The following JMY variants were observed in gnomAD, a reference collection of about 807,000 sequenced individuals.
JMY encodes junction mediating and regulatory protein, p53 cofactor.
JMY carries 46 observed loss-of-function variants against 103.3 expected under a neutral mutation model. That is an observed-to-expected ratio of 0.45 (90% confidence interval 0.35 to 0.57). The LOEUF is 0.57. Ranked by LOEUF, JMY falls within the 20% of genes least tolerant of loss-of-function variation. The pLI is 0.00. For synonymous variants in JMY, 526 were observed against 489.3 expected, an observed-to-expected ratio of 1.07 and a Z score of -0.99; for missense variants, 1,238 against 1,255.2, an observed-to-expected ratio of 0.99 and a Z score of 0.21.
intron 6 of JMY, among the ~76,000 whole-genome samples, chr5:79,302,556 C>T (rs1746768516): frequency 6.6e-6 from 1 of 151,926 alleles, no homozygotes; most frequent in African/African-American, 2.4e-5. Flanking sequence ...GGGGTAATTA[C>T]AAGCAGGACA....
Position 79,312,443 on chromosome 5 carries a change from C to A in JMY, c.2009C>A (p.Ala670Asp). 6.3e-7 allele frequency: 1 copy of A among 1,585,074 alleles called. No individual in the cohort carries two copies. Among genetic ancestry groups the A allele is most frequent in the African/African-American group, 1.4e-5 (1 of 73,148 alleles). ...KLHDEEERKS[A>D]WVSQERQRTL... ...CATGATGAAGAAGAAAGAAAAAGTG[C>A]CTGGGTTAGCCAAGAGAGACAGAGA... The change falls in exon 8 of 11, where the codon GCC becomes GAC. Residue 670 changes from alanine to aspartate, a missense_variant. Transcript: ENST00000396137.
intron 7 of JMY, 47 bp downstream of exon 7, chr5:79,306,508 T>C (rs1746886781): frequency 1.6e-6 from 2 of 1,226,882 alleles, no homozygotes; most frequent in East Asian, 2.3e-5. Flanking sequence ...TTTTTTTGCA[T>C]GTTTTAGAGT....
intron 1 of JMY, among the ~76,000 whole-genome samples, chr5:79,251,950 A>G (rs1354956438): frequency 1.3e-5 from 2 of 151,402 alleles, no homozygotes; most frequent in East Asian, 1.9e-4. Context: ...AATTTTTTGT[A>G]TTTTTAGTAG....
chr5:79,270,548 G>GTATTTACATAAAATA (rs1745737699), intron 1 of JMY, among the ~76,000 whole-genome samples: 1 of 29,002 alleles, frequency 3.4e-5, no homozygotes, highest in Non-Finnish European at 1.0e-4. Context: ...TATTTAAAAT[G>GTATTTACATAAAATA]TATATTTACA....
At chr5:79,276,112 A>T (rs80085753) in intron 1 of JMY, among the ~76,000 whole-genome samples, 2 of 152,014 alleles carry the variant, frequency 1.3e-5, no homozygotes, top group Non-Finnish European at 2.9e-5. Context: ...TTCATTTGTT[A>T]TTTTTATGTA....
In JMY at chr5:79,236,842, G is replaced by T; in HGVS notation, c.192G>T (p.Ala64=). The T allele has an allele frequency of 6.9e-7, 1 of 1,451,368 alleles. No homozygotes were observed. Among genetic ancestry groups the T allele is most frequent in the Non-Finnish European group, 9.1e-7 (1 of 1,096,172 alleles). 89.9% of individuals were successfully genotyped at this position (1,451,368 alleles called of 1,614,324 possible). Residue 64 remains alanine (A), a synonymous_variant, in exon 1 of 11, where the codon GCG becomes GCT. Transcript: ENST00000396137. ...GCGGCTCCCGGGAGCAAGCGGGGGCGCGAGGGGGCGCCGAGGCCGGCGGAG... is the reference window on the plus strand; with the variant it reads ...GCGGCTCCCGGGAGCAAGCGGGGGCTCGAGGGGGCGCCGAGGCCGGCGGAG... The part of the protein sequence containing the change: ...QRSGSREQAG[A]RGGAEAGGAA...
At chr5:79,282,223 A>T (rs1746139470) in intron 2 of JMY, among the ~76,000 whole-genome samples, 1 of 152,154 alleles carries the variant, frequency 6.6e-6, no homozygotes. Context: ...TAAAAAAAAA[A>T]TAAGAAATTC....
intron 1 of JMY, among the ~76,000 whole-genome samples, chr5:79,256,820 C>T (rs968480290): frequency 1.3e-5 from 2 of 149,444 alleles, no homozygotes; most frequent in Admixed American, 6.8e-5. Flanking sequence ...CCTAGGGTTG[C>T]GATCATAGTT....
At chr5:79,297,016 A>C (rs1746582350) in intron 4 of JMY, among the ~76,000 whole-genome samples, 1 of 152,144 alleles carries the variant, frequency 6.6e-6, no homozygotes, top group African/African-American at 2.4e-5. Flanking sequence ...CCCTTACTAG[A>C]TTTGCTGTAA....
rs1312432632 is a variant in JMY at position 79,324,994 on chromosome 5, T to A, written c.*3392T>A. 3 of 152,706 alleles carry A rather than the reference T, an allele frequency of 2.0e-5. No homozygotes were observed. The highest frequency in any genetic ancestry group is 2.0e-4 in the Admixed American group (3 of 15,288). 9.5% of individuals were successfully genotyped at this position (152,706 alleles called of 1,614,324 possible). A position where few individuals can be genotyped will look rare whatever the true frequency, so the allele number is the denominator to read the frequency against. Reference sequence around the variant, plus strand: ...TTTATATCACAGAATGTGTGTCAAGTTGCAAAGCATACTTGGGCCATAGTA... The same window carrying A: ...TTTATATCACAGAATGTGTGTCAAGATGCAAAGCATACTTGGGCCATAGTA... On this transcript the variant is annotated 3_prime_UTR_variant, in exon 11 of 11. Transcript: ENST00000396137.
At chr5:79,317,793 G>C (rs1422474813) in intron 10 of JMY, among the ~76,000 whole-genome samples, 2 of 152,072 alleles carry the variant, frequency 1.3e-5, no homozygotes, top group Non-Finnish European at 2.9e-5. Flanking sequence ...CAACCTTCTG[G>C]GATCAAGCAT....
At position 79,326,740 on chromosome 5, in the gene JMY, C is replaced by A. The variant is rs150487745; in HGVS notation, c.*5138C>A. 35 of 152,260 alleles carry A rather than the reference C, an allele frequency of 2.3e-4. No homozygotes were observed. The East Asian group carries it at 6.6e-3, about 29-fold the overall frequency. The allele number at this position is 152,260 out of a possible 1,614,324, so 9.4% of individuals were successfully genotyped here. On this transcript the variant is annotated 3_prime_UTR_variant, in exon 11 of 11. Coordinates refer to ENST00000396137, the MANE Select transcript of JMY (RefSeq NM_152405.5). Reference sequence around the variant, plus strand: ...AAATTTTAATGGAAAACTCATTCACCATTTACTAGCTTTGTGCAATATTAT... The same window carrying A: ...AAATTTTAATGGAAAACTCATTCACAATTTACTAGCTTTGTGCAATATTAT...
chr5:79,309,142 A>G (rs141159196), intron 7 of JMY, among the ~76,000 whole-genome samples: 264 of 151,970 alleles, frequency 1.7e-3, no homozygotes, highest in African/African-American at 5.5e-3. Flanking sequence ...TATAGCTTTT[A>G]TTTCTCTTTC....
intron 6 of JMY, among the ~76,000 whole-genome samples, chr5:79,302,078 C>T (rs1468196344): frequency 6.8e-5 from 7 of 102,358 alleles, no homozygotes; most frequent in South Asian, 6.1e-4. Flanking sequence ...AGTGAAACTC[C>T]GTCTCAAAAA....
intron 4 of JMY, among the ~76,000 whole-genome samples, 200 bp from the exon 5 acceptor site, chr5:79,299,953 A>G: frequency 6.6e-6 from 1 of 150,810 alleles, no homozygotes; most frequent in East Asian, 1.9e-4. Flanking sequence ...TACTTCCACC[A>G]TATAATATGA....
At chr5:79,302,860 T>C (rs138085808) in intron 6 of JMY, among the ~76,000 whole-genome samples, 2 of 152,326 alleles carry the variant, frequency 1.3e-5, no homozygotes, top group East Asian at 3.9e-4. Flanking sequence ...GTTAAGACTA[T>C]GAAGTAAGTG....
chr5:79,305,348 A>T (rs1746849649), intron 6 of JMY, among the ~76,000 whole-genome samples: 1 of 152,058 alleles, frequency 6.6e-6, no homozygotes, highest in African/African-American at 2.4e-5. Context: ...GCTGCTTGGG[A>T]GGCTGAGATG....
chr5:79,310,041 G>A (rs907576021), intron 7 of JMY, among the ~76,000 whole-genome samples: 1 of 137,788 alleles, frequency 7.3e-6, no homozygotes, highest in Non-Finnish European at 1.5e-5. Flanking sequence ...TTAGTAAATC[G>A]ATTATCTTTC....
chr5:79,314,325 A>G lies in JMY; in HGVS notation c.2133A>G (p.Ala711=). 1 of 1,614,240 alleles carries G rather than the reference A, an allele frequency of 6.2e-7. No homozygotes were observed. Among genetic ancestry groups the G allele is most frequent in the South Asian group, 1.1e-5 (1 of 91,084 alleles). The change falls in exon 9 of 11, where the codon GCA becomes GCG. Residue 711 remains alanine, a synonymous_variant. Transcript: ENST00000396137. The part of the protein sequence containing the change: ...LRLAHARRKG[A]ASPVLQEDHC... The stretch of plus-strand genomic sequence containing the variant: ...TAGCTCATGCAAGAAGAAAAGGTGC[A>G]GCAAGTCCTGTTCTCCAAGAGGATC...
Sources: gnomAD v4.1 joint callset for allele counts (sites outside exome capture counted in the v4.1 genomes callset) on GRCh38, gnomAD v4.1.1 for gene constraint, MANE v1.5 for transcripts, NCBI Gene and HGNC (gene_info 2026-07-23, HGNC 2026-07-21) for gene names.